EFCC1: variants seen among roughly 807,000 people sequenced by gnomAD.
The protein encoded by EFCC1 is EF-hand and coiled-coil domain containing 1.
EFCC1 carries 50 observed loss-of-function variants against 52.1 expected under a neutral mutation model. That is an observed-to-expected ratio of 0.96 (90% CI 0.76 to 1.21). EFCC1 has a LOEUF of 1.21. Among genes scored for constraint, EFCC1 ranks in the 50% most tolerant of loss-of-function variants. The pLI is 0.00. For synonymous variants in EFCC1, 399 were observed against 396.5 expected (o/e 1.01, Z -0.08); for missense variants, 837 against 867.3 (o/e 0.97, Z 0.44).
In EFCC1 at chr3:129,037,668, A is replaced by C. The variant is rs529698077; in HGVS notation, c.1593+551A>C. ...TGATTATAAAACCCCTCAGCAAATT[A>C]AGAATAGTAGGGATCTTCCTTCACC... On this transcript the variant is annotated intron_variant, in intron 6 of 7. Coordinates refer to ENST00000683648, the MANE Select transcript of EFCC1 (RefSeq NM_001377500.1). Among the ~76,000 whole-genome samples the C allele has an allele frequency of 1.6e-4, 25 of 152,326 alleles. No homozygotes were observed. The South Asian group carries it at 5.0e-3, about 30-fold the overall frequency.
At chr3:129,028,333 C>G (rs1946187355) in intron 2 of EFCC1, among the ~76,000 whole-genome samples, 1 of 152,012 alleles carries the variant, frequency 6.6e-6, no homozygotes. Context: ...ATCCATCTGC[C>G]TCGGCCTCCC....
Position 129,002,331 on chromosome 3 carries a change from G to A in EFCC1, c.696+7G>A. The A allele has an allele frequency of 1.3e-6, 2 of 1,512,116 alleles. No homozygotes were observed. The highest frequency in any genetic ancestry group is 1.8e-6 in the Non-Finnish European group (2 of 1,137,564). 93.7% of individuals were successfully genotyped at this position (1,512,116 alleles called of 1,614,324 possible). ...GCGCTGCCTAGCACTGCAGGTGCGC[G>A]CCGGCCACGAAGGGAGGGTGGTAAC... On this transcript the variant is annotated splice_region_variant and intron_variant, in intron 1 of 7. Coordinates refer to ENST00000683648, the MANE Select transcript of EFCC1 (RefSeq NM_001377500.1).
rs182074815 is a variant in EFCC1, at chr3:129,002,030, C to G, written c.402C>G (p.Arg134=). 6.5e-7 allele frequency: 1 copy of G among 1,543,950 alleles called. No homozygotes were observed. Among genetic ancestry groups the G allele is most frequent in the Non-Finnish European group, 8.7e-7 (1 of 1,144,628 alleles). The change falls in exon 1 of 8, where the codon CGC becomes CGG. Residue 134 remains arginine, a synonymous_variant. Transcript: ENST00000683648. Reference sequence around the variant, plus strand: ...ATGAAGAGGCGCGCCTGGCGCTGCGCGCCGAGCCGCCGGAGCTCACCTTCC... The same window carrying G: ...ATGAAGAGGCGCGCCTGGCGCTGCGGGCCGAGCCGCCGGAGCTCACCTTCC... The part of the protein sequence containing the change: ...DTDEEARLAL[R]AEPPELTFRQ...
intron 3 of EFCC1, 121 bp downstream of exon 3, chr3:129,030,981 CCCACCAGG>C (rs1946260888): frequency 7.7e-7 from 1 of 1,295,634 alleles, no homozygotes; most frequent in African/African-American, 1.5e-5. Context: ...AGAGCCCACT[CCCACCAGG>C]TGCTCAGGCT....
In EFCC1 at chr3:129,009,706, G is replaced by A. The variant is rs143664220; in HGVS notation, c.980+5629G>A. On this transcript the variant is annotated intron_variant, in intron 2 of 7. Transcript: ENST00000683648. ...ACCCCTTTGCCCCTCTCTGGAGCTC[G>A]CAGCCCAGTCCTTTTCTTGTCTGGG... Among the ~76,000 whole-genome samples, 12 of 152,306 alleles carry A rather than the reference G, an allele frequency of 7.9e-5. No homozygotes were observed. In the East Asian group the frequency reaches 1.2e-3, roughly 15 times the overall value.
chr3:129,035,596 G>C (rs1422368760), intron 5 of EFCC1, among the ~76,000 whole-genome samples: 1 of 152,230 alleles, frequency 6.6e-6, no homozygotes, highest in Non-Finnish European at 1.5e-5. Context: ...TGTGCAAAAG[G>C]AAACAAAGTT....
At chr3:129,034,905 A>C (rs926284050) in intron 5 of EFCC1, among the ~76,000 whole-genome samples, 1 of 152,166 alleles carries the variant, frequency 6.6e-6, no homozygotes. Context: ...AGTCAGATGA[A>C]GTGGAGCAGG....
At chr3:129,020,482 C>T (rs1297564075) in intron 2 of EFCC1, among the ~76,000 whole-genome samples, 3 of 152,188 alleles carry the variant, frequency 2.0e-5, no homozygotes, top group Non-Finnish European at 4.4e-5. Context: ...ACAAAAAATA[C>T]AAAAATTGGC....
At chr3:129,019,395 A>G (rs1256409380) in intron 2 of EFCC1, among the ~76,000 whole-genome samples, 1 of 152,242 alleles carries the variant, frequency 6.6e-6, no homozygotes, top group African/African-American at 2.4e-5. Context: ...TTAGAAGCCC[A>G]GTCAGTCCAC....
Position 129,009,780 on chromosome 3 carries a change from G to A in EFCC1, c.980+5703G>A, listed in dbSNP as rs192421335. ...TCAAGACTGTGAACTCTGAAGCCCCGGGAGGAAACCTGGTTAGACACAGAG... is the reference window on the plus strand; with the variant it reads ...TCAAGACTGTGAACTCTGAAGCCCCAGGAGGAAACCTGGTTAGACACAGAG... On this transcript the variant is annotated intron_variant, in intron 2 of 7. Coordinates refer to ENST00000683648, the MANE Select transcript of EFCC1 (RefSeq NM_001377500.1). Among the ~76,000 whole-genome samples, 263 of 152,282 alleles carry A rather than the reference G, an allele frequency of 1.7e-3. 1 individual carries two copies. Among genetic ancestry groups the A allele is most frequent in the African/African-American group, 6.0e-3 (248 of 41,542 alleles).
At position 129,037,127 on chromosome 3, in the gene EFCC1, C is replaced by G. The variant is rs372702808; in HGVS notation, c.1593+10C>G. On this transcript the variant is annotated intron_variant, in intron 6 of 7. Coordinates refer to ENST00000683648, the MANE Select transcript of EFCC1 (RefSeq NM_001377500.1). ...GAGGCTCCGGGACCTGGTAGGCTCA[C>G]GGGAGAGCTGCCACACTCAGGGAAG... 1.9e-6 allele frequency: 3 copies of G among 1,596,010 alleles called. No homozygotes were observed. Among genetic ancestry groups the G allele is most frequent in the Non-Finnish European group, 2.6e-6 (3 of 1,174,362 alleles).
At chr3:129,008,100 C>T (rs548417470) in intron 2 of EFCC1, among the ~76,000 whole-genome samples, 141 of 152,348 alleles carry the variant, frequency 9.3e-4, no homozygotes, top group South Asian at 5.2e-3. Flanking sequence ...TCTGCCTCCA[C>T]CAGGCCCTGA....
intron 2 of EFCC1, among the ~76,000 whole-genome samples, chr3:129,026,831 G>A (rs1946128457): frequency 1.3e-5 from 2 of 152,148 alleles, no homozygotes; most frequent in Non-Finnish European, 2.9e-5. Context: ...CCACCCGGGG[G>A]TTTTCACACT....
At position 129,002,038 on chromosome 3, in the gene EFCC1, C is replaced by T. The variant is rs1381927418; in HGVS notation, c.410C>T (p.Pro137Leu). ...EEARLALRAE[P>L]PELTFRQFHA... ...GCGCGCCTGGCGCTGCGCGCCGAGC[C>T]GCCGGAGCTCACCTTCCGCCAGTTC... Residue 137 changes from proline to leucine, a missense_variant, in exon 1 of 8, where the codon CCG (proline) becomes CTG (leucine). Coordinates refer to ENST00000683648, the MANE Select transcript of EFCC1 (RefSeq NM_001377500.1). The T allele has an allele frequency of 3.9e-6, 6 of 1,543,532 alleles. No individual in the cohort carries two copies. The highest frequency in any genetic ancestry group is 5.2e-6 in the Non-Finnish European group (6 of 1,144,470).
intron 7 of EFCC1, 150 bp from the exon 8 acceptor site, chr3:129,039,562 G>T (rs1472922132): frequency 8.2e-7 from 1 of 1,214,516 alleles, no homozygotes; most frequent in African/African-American, 1.5e-5. Context: ...GTCCTCAGGG[G>T]GAGGTGGTCC....
Position 129,001,694 on chromosome 3 carries a change from A to C in EFCC1, c.66A>C (p.Arg22=). The stretch of plus-strand genomic sequence containing the variant: ...GCGCGGGAGGTGACCCGTACCGGCG[A>C]CCTGCGCGGCGCACGCAGTGGCTGC... ...MEGAGGDPYR[R]PARRTQWLLS... The change falls in exon 1 of 8, where the codon CGA becomes CGC. Residue 22 remains arginine (R), a synonymous_variant. Coordinates refer to ENST00000683648, the MANE Select transcript of EFCC1 (RefSeq NM_001377500.1). 1 of 1,493,334 alleles carries C rather than the reference A, an allele frequency of 6.7e-7. No homozygotes were observed. 92.5% of individuals were successfully genotyped at this position (1,493,334 alleles called of 1,614,324 possible).
rs1342303402 is a variant in EFCC1 at position 129,001,618 on chromosome 3, G to A, written c.-11G>A. 7.4e-6 allele frequency: 10 copies of A among 1,351,220 alleles called. No homozygotes were observed. In the African/African-American group the frequency reaches 1.4e-4, roughly 19 times the overall value. The allele number at this position is 1,351,220 out of a possible 1,614,324, so 83.7% of individuals were successfully genotyped here. ...AGGAGGGACCGGAGGAGCGAGGCGC[G>A]CGGCGCAGCGATGGAGCCGGTCAGC... On this transcript the variant is annotated 5_prime_UTR_variant, in exon 1 of 8. Coordinates refer to ENST00000683648, the MANE Select transcript of EFCC1 (RefSeq NM_001377500.1).
intron 3 of EFCC1, among the ~76,000 whole-genome samples, chr3:129,032,593 G>C (rs1439851984): frequency 6.6e-6 from 1 of 152,180 alleles, no homozygotes; most frequent in East Asian, 1.9e-4. Flanking sequence ...TCCCAGGAAG[G>C]GGCTCTGACT....
At chr3:129,037,227 G>A (rs932259598) in intron 6 of EFCC1, 110 bp downstream of exon 6, 4 of 1,380,054 alleles carry the variant, frequency 2.9e-6, no homozygotes, top group Non-Finnish European at 3.8e-6. Context: ...GTAGGCAGCT[G>A]TTATCCCATT....
Sources: allele counts gnomAD v4.1 joint callset (sites outside exome capture counted in the v4.1 genomes callset), GRCh38; gene constraint gnomAD v4.1.1; transcripts MANE v1.5; gene names NCBI Gene and HGNC (gene_info 2026-07-23, HGNC 2026-07-21).